HDAC9: variants seen among roughly 807,000 people sequenced by gnomAD.
The protein encoded by HDAC9 is histone deacetylase 9, also known as MEF-2 interacting transcription repressor (MITR) protein.
HDAC9 carries 41 observed loss-of-function variants against 139.4 expected under a neutral mutation model. The observed-to-expected ratio is 0.29, with a 90% CI of 0.23 to 0.38. The LOEUF is 0.38. Ranked by LOEUF, HDAC9 falls within the 10% of genes least tolerant of loss-of-function variation. HDAC9 has a pLI of 1.00. For missense variants in HDAC9, 1,147 were observed against 1,297.0 expected (o/e 0.88, Z 1.78); for synonymous variants, 517 against 476.2 (o/e 1.09, Z -1.12).
chr7:18,817,953 A>G (rs1469462083), intron 17 of HDAC9, among the ~76,000 whole-genome samples: 2 of 152,232 alleles, frequency 1.3e-5, no homozygotes, highest in Non-Finnish European at 2.9e-5. Context: ...ATTTAAGCAA[A>G]AAATGCTTCT....
intron 1 of HDAC9, among the ~76,000 whole-genome samples, chr7:18,390,624 A>G (rs1786385868): frequency 6.6e-6 from 1 of 152,118 alleles, no homozygotes; most frequent in Admixed American, 6.5e-5. Flanking sequence ...TGTTCAAAGG[A>G]TATATTTCAG....
chr7:18,520,047 G>A (rs555202756), intron 2 of HDAC9, among the ~76,000 whole-genome samples: 2 of 151,898 alleles, frequency 1.3e-5, no homozygotes, highest in African/African-American at 4.8e-5. Flanking sequence ...TGTTGTAGTA[G>A]GAGCAGAAAA....
chr7:18,730,386 T>G (rs1785939053), intron 13 of HDAC9, among the ~76,000 whole-genome samples: 1 of 152,234 alleles, frequency 6.6e-6, no homozygotes, highest in Admixed American at 6.5e-5. Flanking sequence ...CATTCTAGTA[T>G]GATTGAAAAT....
At chr7:18,179,564 C>A (rs1246049225) in intron 2 of HDAC9, among the ~76,000 whole-genome samples, 1 of 152,048 alleles carries the variant, frequency 6.6e-6, no homozygotes, top group African/African-American at 2.4e-5. Context: ...CCATTCTCTA[C>A]CCTCCCTCTC....
At chr7:18,717,688 C>A (rs1440549781) in intron 12 of HDAC9, among the ~76,000 whole-genome samples, 2 of 151,974 alleles carry the variant, frequency 1.3e-5, no homozygotes, top group Non-Finnish European at 2.9e-5. Flanking sequence ...GCCTCGGCCT[C>A]CCAAAGTGCT....
chr7:18,605,803 C>G (rs188435570), intron 6 of HDAC9, among the ~76,000 whole-genome samples: 31 of 152,258 alleles, frequency 2.0e-4, no homozygotes, highest in Non-Finnish European at 3.4e-4. Flanking sequence ...GCCTCAGCCT[C>G]CCGAGTAGCT....
At chr7:18,359,198 A>G (rs1055254905) in intron 1 of HDAC9, among the ~76,000 whole-genome samples, 3 of 152,144 alleles carry the variant, frequency 2.0e-5, no homozygotes, top group Admixed American at 6.5e-5. Context: ...TCTACTAGAA[A>G]TACAAAAGGT....
intron 1 of HDAC9, among the ~76,000 whole-genome samples, chr7:18,301,526 T>C (rs1057180629): frequency 1.3e-5 from 2 of 152,216 alleles, no homozygotes; most frequent in Non-Finnish European, 2.9e-5. Flanking sequence ...GGATAGTAGA[T>C]AGCATAATAC....
intron 1 of HDAC9, among the ~76,000 whole-genome samples, chr7:18,437,048 T>A (rs1297147903): frequency 6.6e-6 from 1 of 152,216 alleles, no homozygotes; most frequent in East Asian, 1.9e-4. Context: ...TCTGTAAATT[T>A]CCTCACAGCA....
chr7:18,289,586 T>G (rs1562839694), upstream of HDAC9, among the ~76,000 whole-genome samples: 1 of 152,196 alleles, frequency 6.6e-6, no homozygotes, highest in Non-Finnish European at 1.5e-5. Flanking sequence ...ACTTTTTTTT[T>G]CTAATGCCAC....
intron 3 of HDAC9, among the ~76,000 whole-genome samples, chr7:18,588,863 C>T (rs1726612): frequency 0.48 from 72,739 of 151,938 alleles, 17,420 homozygotes; most frequent in Middle Eastern, 0.54. Flanking sequence ...GTATGGAATT[C>T]TCCACTTGTG....
At chr7:18,566,769 ACTTGTT>A (rs1822501702) in intron 2 of HDAC9, among the ~76,000 whole-genome samples, 1 of 152,212 alleles carries the variant, frequency 6.6e-6, no homozygotes, top group African/African-American at 2.4e-5. Flanking sequence ...TTTATTCATT[ACTTGTT>A]CTTTAAAACA....
At chr7:18,878,708 T>A (rs1252637000) in intron 22 of HDAC9, among the ~76,000 whole-genome samples, 1 of 151,572 alleles carries the variant, frequency 6.6e-6, no homozygotes, top group African/African-American at 2.4e-5. Flanking sequence ...AACATTATAC[T>A]GAATGGGCAA....
intron 2 of HDAC9, among the ~76,000 whole-genome samples, chr7:18,258,799 A>G (rs966157507): frequency 6.6e-6 from 1 of 152,174 alleles, no homozygotes; most frequent in African/African-American, 2.4e-5. Context: ...ACTATAAATC[A>G]GTAGCTTCTC....
intron 3 of HDAC9, among the ~76,000 whole-genome samples, chr7:18,585,798 T>G (rs1829297386): frequency 6.6e-6 from 1 of 152,076 alleles, no homozygotes; most frequent in East Asian, 1.9e-4. Context: ...CTCTCCTACG[T>G]GATTTTGTTC....
At chr7:18,613,402 G>A (rs1837708303) in intron 6 of HDAC9, among the ~76,000 whole-genome samples, 1 of 152,058 alleles carries the variant, frequency 6.6e-6, no homozygotes, top group Non-Finnish European at 1.5e-5. Flanking sequence ...GTCACTCTGA[G>A]CACATAGAGC....
intron 1 of HDAC9, among the ~76,000 whole-genome samples, chr7:18,347,587 T>C (rs756238063): frequency 1.3e-5 from 2 of 152,130 alleles, no homozygotes; most frequent in African/African-American, 2.4e-5. Context: ...TGTTCTTATT[T>C]ATTTTATTTT....
At position 18,490,434 on chromosome 7, in the gene HDAC9, G is replaced by A. The variant is rs138898842; in HGVS notation, c.-41-5828G>A. Among the ~76,000 whole-genome samples the A allele has an allele frequency of 3.4e-4, 51 of 152,082 alleles. 1 individual carries two copies. The East Asian group carries it at 6.0e-3, about 18-fold the overall frequency. On this transcript the variant is annotated intron_variant, in intron 1 of 3. Transcript: ENST00000413509. ...CAATGATTCTAAAGTTTTTGTTGTCGTTGATTTGTTTTGCTTTCAAATATA... is the reference window on the plus strand; with the variant it reads ...CAATGATTCTAAAGTTTTTGTTGTCATTGATTTGTTTTGCTTTCAAATATA...
intron 1 of HDAC9, among the ~76,000 whole-genome samples, chr7:18,479,408 G>C (rs1795367712): frequency 6.6e-6 from 1 of 152,098 alleles, no homozygotes; most frequent in Non-Finnish European, 1.5e-5. Context: ...TGCTAGTATT[G>C]ATATATGTAA....
Sources: gnomAD v4.1 joint callset for allele counts (sites outside exome capture counted in the v4.1 genomes callset) on GRCh38, gnomAD v4.1.1 for gene constraint, MANE v1.5 for transcripts, NCBI Gene and HGNC (gene_info 2026-07-23, HGNC 2026-07-21) for gene names.